The following SCFD2 variants were observed in gnomAD, a reference collection of about 807,000 sequenced individuals.
The protein encoded by SCFD2 is sec1 family domain containing 2, also known as sec1 family domain-containing protein 2.
In SCFD2, 54 loss-of-function variants were observed where a neutral mutation model predicts 58.9. The observed-to-expected ratio is 0.92, with a 90% CI of 0.74 to 1.15. The LOEUF is 1.15. SCFD2 is among the 50% of genes most tolerant of loss of function. The pLI, the probability that SCFD2 is intolerant of heterozygous loss-of-function variation, is 0.00. For synonymous variants in SCFD2, 321 were observed against 335.9 expected, an observed-to-expected ratio of 0.96 and a Z score of 0.49; for missense variants, 805 against 836.6, an observed-to-expected ratio of 0.96 and a Z score of 0.47.
chr4:53,084,304 T>G (rs1395450708), intron 5 of SCFD2, among the ~76,000 whole-genome samples: 1 of 152,138 alleles, frequency 6.6e-6, no homozygotes, highest in African/African-American at 2.4e-5. Flanking sequence ...CTCGCATGTC[T>G]GTTTATAGGC....
At chr4:52,952,039 C>T (rs752048580) in intron 5 of SCFD2, among the ~76,000 whole-genome samples, 6 of 152,210 alleles carry the variant, frequency 3.9e-5, no homozygotes, top group Middle Eastern at 3.4e-3. Context: ...GAGTGGCAGG[C>T]CACAGAGTGA....
At chr4:53,001,800 C>CTACA (rs1282704507) in intron 5 of SCFD2, among the ~76,000 whole-genome samples, 1 of 152,160 alleles carries the variant, frequency 6.6e-6, no homozygotes, top group Non-Finnish European at 1.5e-5. Context: ...GATACTTTAC[C>CTACA]TACAATGTCT....
chr4:53,217,222 ATCTG>A (rs1227682815), intron 4 of SCFD2, among the ~76,000 whole-genome samples: 2 of 152,036 alleles, frequency 1.3e-5, no homozygotes, highest in Non-Finnish European at 2.9e-5. Context: ...TGTCTCGTTG[ATCTG>A]TCTAATGTTG....
At chr4:53,129,208 T>C (rs1267341723) in intron 5 of SCFD2, among the ~76,000 whole-genome samples, 1 of 147,810 alleles carries the variant, frequency 6.8e-6, no homozygotes, top group Admixed American at 7.0e-5. Flanking sequence ...TTCAGGCGTG[T>C]ATCTTGGAAG....
At chr4:52,970,336 TACAGTCTTAGCAA>T in intron 5 of SCFD2, among the ~76,000 whole-genome samples, 1 of 152,096 alleles carries the variant, frequency 6.6e-6, no homozygotes, top group East Asian at 1.9e-4. Flanking sequence ...GCACTTTTCC[TACAGTCTTAGCAA>T]ACAGCACACC....
At chr4:53,088,151 C>A (rs1357769130) in intron 5 of SCFD2, among the ~76,000 whole-genome samples, 1 of 152,174 alleles carries the variant, frequency 6.6e-6, no homozygotes, top group Non-Finnish European at 1.5e-5. Flanking sequence ...TGTGACCAAG[C>A]AACCATTTGC....
intron 7 of SCFD2, among the ~76,000 whole-genome samples, chr4:52,900,089 G>A (rs188127206): frequency 1.2e-3 from 187 of 152,210 alleles, no homozygotes; most frequent in African/African-American, 4.3e-3. Context: ...TTTGCCATGG[G>A]TTTGAACTTC....
At chr4:53,225,233 T>C (rs1294321557) in intron 4 of SCFD2, among the ~76,000 whole-genome samples, 2 of 152,160 alleles carry the variant, frequency 1.3e-5, no homozygotes, top group Admixed American at 6.5e-5. Flanking sequence ...CCAATAGTAA[T>C]GTTTCTGAAT....
intron 5 of SCFD2, among the ~76,000 whole-genome samples, chr4:53,135,538 C>T (rs1036198358): frequency 2.6e-5 from 4 of 152,066 alleles, no homozygotes; most frequent in African/African-American, 7.2e-5. Context: ...GATCAGAGAT[C>T]GAGACCATCC....
chr4:53,209,618 G>C (rs1728542574), intron 4 of SCFD2, among the ~76,000 whole-genome samples: 1 of 151,990 alleles, frequency 6.6e-6, no homozygotes, highest in Non-Finnish European at 1.5e-5. Context: ...GCCACTCAGG[G>C]AATACCAACT....
chr4:53,183,528 G>T (rs1727647480), intron 4 of SCFD2, among the ~76,000 whole-genome samples: 1 of 152,118 alleles, frequency 6.6e-6, no homozygotes. Context: ...GGGAGGGATA[G>T]CATTAGGAGA....
intron 5 of SCFD2, among the ~76,000 whole-genome samples, chr4:53,014,702 C>T (rs887617349): frequency 2.0e-5 from 3 of 152,200 alleles, no homozygotes; most frequent in African/African-American, 7.2e-5. Flanking sequence ...TCTTAGCCAC[C>T]TCCAGAACTC....
At chr4:52,911,927 G>C (rs1719496164) in intron 6 of SCFD2, among the ~76,000 whole-genome samples, 1 of 152,166 alleles carries the variant, frequency 6.6e-6, no homozygotes, top group East Asian at 1.9e-4. Context: ...GCAGGAACTT[G>C]CTTCTCCTGT....
chr4:53,135,567 C>A (rs1420848028), intron 5 of SCFD2, among the ~76,000 whole-genome samples: 1 of 152,020 alleles, frequency 6.6e-6, no homozygotes, highest in Non-Finnish European at 1.5e-5. Context: ...ATGGTGAAAC[C>A]CCATCTCTAC....
intron 4 of SCFD2, among the ~76,000 whole-genome samples, chr4:53,216,237 G>A (rs1378606047): frequency 1.3e-5 from 2 of 152,154 alleles, no homozygotes; most frequent in Admixed American, 6.5e-5. Context: ...GCTCCTCCTT[G>A]TATCTCTGGT....
chr4:52,920,035 G>A (rs1038963148), intron 6 of SCFD2, among the ~76,000 whole-genome samples: 1 of 152,196 alleles, frequency 6.6e-6, no homozygotes, highest in African/African-American at 2.4e-5. Flanking sequence ...TTGGCCACCA[G>A]GAACCTTAGT....
At chr4:53,116,285 C>T (rs1462187937) in intron 5 of SCFD2, among the ~76,000 whole-genome samples, 2 of 152,138 alleles carry the variant, frequency 1.3e-5, no homozygotes, top group East Asian at 3.8e-4. Flanking sequence ...TTCATAGTGA[C>T]AAGCAGGGAA....
chr4:53,145,313 T>C lies in SCFD2; in HGVS notation c.1561+20A>G, dbSNP rs370655134. On this transcript the variant is annotated intron_variant, in intron 5 of 8. Transcript: ENST00000401642. ...GTGTATCAGTGATGTTTGTGTCCTGTATCTTTGTTAGACACTCACCCGTAA... is the reference window on the plus strand; with the variant it reads ...GTGTATCAGTGATGTTTGTGTCCTGCATCTTTGTTAGACACTCACCCGTAA... 3 of 1,612,894 alleles carry C rather than the reference T, an allele frequency of 1.9e-6. No individual in the cohort carries two copies. The highest frequency in any genetic ancestry group is 1.7e-6 in the Non-Finnish European group (2 of 1,179,532).
intron 2 of SCFD2, among the ~76,000 whole-genome samples, chr4:53,325,751 A>C (rs570739007): frequency 1.3e-5 from 2 of 152,334 alleles, no homozygotes; most frequent in African/African-American, 4.8e-5. Context: ...CCAAATTTTC[A>C]GATAAAGGGG....
Sources: gnomAD v4.1 joint callset for allele counts (sites outside exome capture counted in the v4.1 genomes callset) on GRCh38, gnomAD v4.1.1 for gene constraint, MANE v1.5 for transcripts, NCBI Gene and HGNC (gene_info 2026-07-23, HGNC 2026-07-21) for gene names.